Variants in APLP2 observed in about 807,000 individuals in gnomAD.
APLP2 encodes amyloid beta precursor like protein 2.
A neutral mutation model predicts 89.9 loss-of-function variants in APLP2; 53 were observed. That is an observed-to-expected ratio of 0.59 (90% CI 0.47 to 0.74). The LOEUF is 0.74. Among genes scored for constraint, APLP2 ranks in the 30% least tolerant of loss-of-function variants. APLP2 has a pLI of 0.00. For missense variants in APLP2, 973 were observed against 975.9 expected (o/e 1.00, Z 0.04); for synonymous variants, 372 against 348.6 (o/e 1.07, Z -0.75).
intron 1 of APLP2, among the ~76,000 whole-genome samples, chr11:130,071,989 G>T (rs1004802178): frequency 2.2e-4 from 34 of 152,188 alleles, no homozygotes; most frequent in African/African-American, 8.0e-4. Context: ...GATGTCTTTG[G>T]GAAGGCCCTG....
In APLP2 at chr11:130,110,667, T is replaced by C; in HGVS notation, c.403+6T>C. On this transcript the variant is annotated splice_donor_region_variant and intron_variant, in intron 3 of 16. Transcript: ENST00000338167. ...TACACCTTTCAAGTGTCTCGGTGAGTGTTCTTGGTTACTTTTCAGGAAGTG... is the reference window on the plus strand; with the variant it reads ...TACACCTTTCAAGTGTCTCGGTGAGCGTTCTTGGTTACTTTTCAGGAAGTG... The C allele has an allele frequency of 6.2e-7, 1 of 1,601,738 alleles. No individual in the cohort carries two copies. Among genetic ancestry groups the C allele is most frequent in the Non-Finnish European group, 8.5e-7 (1 of 1,176,410 alleles).
In APLP2 at chr11:130,123,904, C is replaced by A; in HGVS notation, c.1090+125C>A. ...CACTCGGGTGTTTGCTGTCGGTCGT[C>A]TTCCCCTCATCTTTGTGCTTTCTAG... On this transcript the variant is annotated intron_variant, in intron 7 of 16. Transcript: ENST00000338167. This position sits in a 1 kb window ranked among gnomAD's most constrained non-coding sequence, Gnocchi z 4.0. 1.9e-6 allele frequency: 2 copies of A among 1,055,800 alleles called. No individual in the cohort carries two copies. The highest frequency in any genetic ancestry group is 2.3e-5 in the Admixed American group (1 of 44,350). The allele number at this position is 1,055,800 out of a possible 1,614,324, so 65.4% of individuals were successfully genotyped here. A position where few individuals can be genotyped will look rare whatever the true frequency, so the allele number is the denominator to read the frequency against.
Position 130,133,734 on chromosome 11 carries a change from T to C in APLP2, c.1684+6T>C. On this transcript the variant is annotated splice_donor_region_variant and intron_variant, in intron 12 of 16. Coordinates refer to ENST00000338167, the MANE Select transcript of APLP2 (RefSeq NM_001142276.2). ...AGAAATTCAAGAGGAAATTGGTGGGTACCAGCTCTTTGTGTCAAGGTCATA... is the reference window on the plus strand; with the variant it reads ...AGAAATTCAAGAGGAAATTGGTGGGCACCAGCTCTTTGTGTCAAGGTCATA... 6.2e-7 allele frequency: 1 copy of C among 1,604,244 alleles called. No homozygotes were observed.
At chr11:130,122,193 T>G in intron 5 of APLP2, 112 bp from the exon 6 acceptor site, 1 of 1,276,896 alleles carries the variant, frequency 7.8e-7, no homozygotes, top group Non-Finnish European at 1.1e-6. Flanking sequence ...GAAATGTGCG[T>G]TGAGCTTATT....
At position 130,070,876 on chromosome 11, in the gene APLP2, C is replaced by T. The variant is rs78658681; in HGVS notation, c.105+794C>T. The T allele has an allele frequency of 8.8e-3, 8,087 of 920,170 alleles. 695 individuals carry two copies. In the East Asian group the frequency reaches 0.21, roughly 24 times the overall value. The allele number at this position is 920,170 out of a possible 1,614,324, so 57.0% of individuals were successfully genotyped here. ...CAGTGGTTGTGCTTCGAGGTCGCAC[C>T]CTGAGCATCCCCGCTGCGAGAAAGG... On this transcript the variant is annotated intron_variant, in intron 1 of 16. Coordinates refer to ENST00000338167, the MANE Select transcript of APLP2 (RefSeq NM_001142276.2).
rs1277847633 is a variant in APLP2 at position 130,143,409 on chromosome 11, G to C, written c.2217G>C (p.Glu739Asp). The C allele has an allele frequency of 1.2e-6, 2 of 1,613,716 alleles. No individual in the cohort carries two copies. Among genetic ancestry groups the C allele is most frequent in the Admixed American group, 3.3e-5 (2 of 59,968 alleles). ...HLNKMQNHGY[E>D]NPTYKYLEQM... ...ACAAGATGCAGAACCATGGCTATGA[G>C]AACCCCACCTACAAATACCTGGAGC... is the stretch of plus-strand genomic sequence containing the variant. Residue 739 changes from glutamate to aspartate, a missense_variant, in exon 17 of 17, where the codon GAG (glutamate) becomes GAC (aspartate). Transcript: ENST00000338167.
In APLP2 at chr11:130,127,765, GGT is replaced by G; in HGVS notation, c.1222_1223del (p.Val408LysfsTer12). On this transcript the variant is annotated frameshift_variant and splice_region_variant, in exon 9 of 17. Coordinates refer to ENST00000338167, the MANE Select transcript of APLP2 (RefSeq NM_001142276.2). LOFTEE classifies it high-confidence loss of function. ...EIRHRNRMDR[V>X]KKEWEEAELQ... ...GACGGCGTTTTTGACCTTTGTTCTA[GGT>G]AAAGAAGGAATGGGAAGAGGCAGAG... The G allele has an allele frequency of 6.2e-7, 1 of 1,614,064 alleles. No homozygotes were observed. The highest frequency in any genetic ancestry group is 8.5e-7 in the Non-Finnish European group (1 of 1,179,964).
intron 1 of APLP2, among the ~76,000 whole-genome samples, chr11:130,074,285 G>A (rs1338499865): frequency 7.9e-5 from 12 of 152,100 alleles, no homozygotes; most frequent in Admixed American, 7.2e-4. Flanking sequence ...GCATGATCTC[G>A]GCTTACTGCA....
At position 130,080,235 on chromosome 11, in the gene APLP2, G is replaced by A. The variant is rs370056964; in HGVS notation, c.105+10153G>A. On this transcript the variant is annotated intron_variant, in intron 1 of 16. Coordinates refer to ENST00000338167, the MANE Select transcript of APLP2 (RefSeq NM_001142276.2). ...TATTACTATTATAATTTTTTGAGAC[G>A]GAATCTTACCCTGTTGACCAGGCTG... 3.9e-5 allele frequency among the ~76,000 whole-genome samples: 6 copies of A among 152,102 alleles called. No homozygotes were observed. The East Asian group carries it at 5.8e-4, about 15-fold the overall frequency.
chr11:130,071,620 A>G (rs539695485), intron 1 of APLP2, among the ~76,000 whole-genome samples: 2 of 152,258 alleles, frequency 1.3e-5, no homozygotes, highest in Non-Finnish European at 2.9e-5. Flanking sequence ...AATTTGAGGC[A>G]TTAGTGAATT....
chr11:130,076,608 T>G (rs1942174438), intron 1 of APLP2, among the ~76,000 whole-genome samples: 1 of 152,062 alleles, frequency 6.6e-6, no homozygotes, highest in Admixed American at 6.5e-5. Context: ...AGAAAAAAAC[T>G]ACTTCGTGTG....
Position 130,143,564 on chromosome 11 carries a change from C to T in APLP2, c.*116C>T. The T allele has an allele frequency of 1.2e-6, 1 of 810,442 alleles. No individual in the cohort carries two copies. The highest frequency in any genetic ancestry group is 2.1e-6 in the Non-Finnish European group (1 of 475,214). 50.2% of individuals were successfully genotyped at this position (810,442 alleles called of 1,614,324 possible). A position where few individuals can be genotyped will look rare whatever the true frequency, so the allele number is the denominator to read the frequency against. ...CAGGGGCTGCGTCTGACATCCTGACCTCCTGGACTGTAGGACTATATAAAG... is the reference window on the plus strand; with the variant it reads ...CAGGGGCTGCGTCTGACATCCTGACTTCCTGGACTGTAGGACTATATAAAG... On this transcript the variant is annotated 3_prime_UTR_variant, in exon 17 of 17. Transcript: ENST00000338167.
chr11:130,120,236 A>G (rs1949665259), intron 3 of APLP2, among the ~76,000 whole-genome samples: 1 of 152,144 alleles, frequency 6.6e-6, no homozygotes, highest in African/African-American at 2.4e-5. Flanking sequence ...GTAATTAATC[A>G]TTGATTATTC....
chr11:130,093,739 AT>A (rs1409430420), intron 1 of APLP2, among the ~76,000 whole-genome samples: 2 of 151,910 alleles, frequency 1.3e-5, no homozygotes, highest in Non-Finnish European at 2.9e-5. Context: ...TGGAACTTTT[AT>A]TTTTTATTTA....
chr11:130,143,477 A>T lies in APLP2; in HGVS notation c.*29A>T, dbSNP rs765935260. The T allele has an allele frequency of 6.3e-7, 1 of 1,577,216 alleles. No homozygotes were observed. The highest frequency in any genetic ancestry group is 1.1e-5 in the South Asian group (1 of 90,448). On this transcript the variant is annotated 3_prime_UTR_variant, in exon 17 of 17. Transcript: ENST00000338167. ...GCAGGGAGCGCGGCAGCCCTGGCGG[A>T]GGGATGCAGGTGGGCCGGAAGATCC... is the stretch of plus-strand genomic sequence containing the variant.
At chr11:130,083,800 A>G (rs1011740115) in intron 1 of APLP2, among the ~76,000 whole-genome samples, 13 of 152,178 alleles carry the variant, frequency 8.5e-5, no homozygotes, top group African/African-American at 1.9e-4. Context: ...GGGAATGCAT[A>G]TATCTGTCTG....
At chr11:130,119,489 G>T (rs953182993) in intron 3 of APLP2, among the ~76,000 whole-genome samples, 36 of 152,152 alleles carry the variant, frequency 2.4e-4, no homozygotes, top group Non-Finnish European at 2.9e-5. Context: ...GCCCAGCTTT[G>T]TAACCACCAT....
intron 13 of APLP2, among the ~76,000 whole-genome samples, 174 bp downstream of exon 13, chr11:130,135,889 C>T (rs967879053): frequency 1.3e-5 from 2 of 152,204 alleles, no homozygotes; most frequent in Non-Finnish European, 2.9e-5. Flanking sequence ...CTGCTAGATG[C>T]TTTCAAATCA....
At chr11:130,097,504 G>A (rs559535287) in intron 1 of APLP2, among the ~76,000 whole-genome samples, 37 of 152,256 alleles carry the variant, frequency 2.4e-4, no homozygotes, top group African/African-American at 8.9e-4. Context: ...GACCAGCCTG[G>A]GCAATATAGT....
Sources: allele counts gnomAD v4.1 joint callset (sites outside exome capture counted in the v4.1 genomes callset), GRCh38; gene constraint gnomAD v4.1.1; non-coding constraint Gnocchi (gnomAD v3.1); transcripts MANE v1.5; gene names NCBI Gene and HGNC (gene_info 2026-07-23, HGNC 2026-07-21).